DOK6: variants seen among roughly 807,000 people sequenced by gnomAD.
The protein encoded by DOK6 is downstream of tyrosine kinase 6.
DOK6 carries 22 observed loss-of-function variants against 44.0 expected under a neutral mutation model. That is an observed-to-expected ratio of 0.50 (90% CI 0.36 to 0.71). The LOEUF (loss-of-function observed/expected upper bound fraction) is 0.71. Ranked by LOEUF, DOK6 falls within the 30% of genes least tolerant of loss-of-function variation. The probability of loss-of-function intolerance (pLI) is 0.00; values close to 1 mark genes in which losing one functional copy is unlikely to be tolerated. For missense variants in DOK6, 340 were observed against 416.4 expected (o/e 0.82, Z 1.60); for synonymous variants, 166 against 145.5 (o/e 1.14, Z -1.01).
intron 6 of DOK6, among the ~76,000 whole-genome samples, chr18:69,757,251 G>A (rs117296287): frequency 2.6e-3 from 394 of 152,296 alleles, no homozygotes; most frequent in Admixed American, 4.6e-3. Flanking sequence ...AGGTTGGGAG[G>A]AAGTGTAAGG....
At position 69,739,032 on chromosome 18, in the gene DOK6, G is replaced by T; in HGVS notation, c.667G>T (p.Val223Phe). 1 of 1,614,104 alleles carries T rather than the reference G, an allele frequency of 6.2e-7. No homozygotes were observed. Among genetic ancestry groups the T allele is most frequent in the Non-Finnish European group, 8.5e-7 (1 of 1,179,954 alleles). The change falls in exon 6 of 8, where the codon GTT becomes TTT. Residue 223 changes from valine (V) to phenylalanine (F), a missense_variant. Val to Phe is a conservative substitution (Grantham distance 50). This residue lies in a region of DOK6 where 22 missense variants were observed against 48.6 expected (regional missense o/e 0.45). Coordinates refer to ENST00000382713, the MANE Select transcript of DOK6 (RefSeq NM_152721.6). ...TREGEMIYQKVHSATLAIAEQ... is the reference protein window; with the variant it reads ...TREGEMIYQKFHSATLAIAEQ... ...GGAAGGAGAAATGATCTATCAGAAG[G>T]TTCATTCTGCGACACTGGCCATAGC...
intron 1 of DOK6, among the ~76,000 whole-genome samples, chr18:69,504,868 A>G (rs972060652): frequency 6.6e-6 from 1 of 152,188 alleles, no homozygotes; most frequent in African/African-American, 2.4e-5. Flanking sequence ...CAGTTTTGTT[A>G]CAGGAAAAAT....
intron 1 of DOK6, among the ~76,000 whole-genome samples, chr18:69,411,956 A>C (rs894636505): frequency 1.2e-4 from 19 of 152,242 alleles, no homozygotes; most frequent in African/African-American, 4.6e-4. Context: ...TTTCTATTCA[A>C]CTGCAAATAA....
chr18:69,826,678 A>G (rs961106454), intron 7 of DOK6, among the ~76,000 whole-genome samples: 4 of 152,180 alleles, frequency 2.6e-5, no homozygotes, highest in African/African-American at 9.7e-5. Flanking sequence ...ATATTGCAAT[A>G]TCCAGTCCAG....
intron 7 of DOK6, among the ~76,000 whole-genome samples, chr18:69,763,012 T>C (rs2144759538): frequency 6.6e-6 from 1 of 152,310 alleles, no homozygotes; most frequent in East Asian, 1.9e-4. Flanking sequence ...GCTCCCCTCC[T>C]CAATTGGAGA....
At chr18:69,807,647 C>T (rs1333179197) in intron 7 of DOK6, among the ~76,000 whole-genome samples, 1 of 151,756 alleles carries the variant, frequency 6.6e-6, no homozygotes, top group Non-Finnish European at 1.5e-5. Flanking sequence ...GGTAGCTATA[C>T]ATGTATCATA....
At chr18:69,509,265 A>T (rs147306424) in intron 1 of DOK6, among the ~76,000 whole-genome samples, 240 of 152,260 alleles carry the variant, frequency 1.6e-3, no homozygotes, top group African/African-American at 5.3e-3. Context: ...TGTTTCTTCA[A>T]CCTCATTTAT....
chr18:69,805,355 G>A (rs898133542), intron 7 of DOK6, among the ~76,000 whole-genome samples: 11 of 152,108 alleles, frequency 7.2e-5, no homozygotes, highest in African/African-American at 2.2e-4. Flanking sequence ...GGGTGTGAAG[G>A]TGCTCTTGAA....
intron 3 of DOK6, among the ~76,000 whole-genome samples, chr18:69,652,486 G>C (rs1053573864): frequency 5.9e-5 from 9 of 152,124 alleles, no homozygotes; most frequent in Non-Finnish European, 1.0e-4. Context: ...GAATGACTTG[G>C]GCAATTCCAG....
intron 3 of DOK6, among the ~76,000 whole-genome samples, chr18:69,676,530 C>T (rs989459498): frequency 1.3e-5 from 2 of 152,100 alleles, no homozygotes; most frequent in African/African-American, 4.8e-5. Context: ...GAGGTGTCAT[C>T]CACAGAGAGC....
chr18:69,750,070 A>T (rs1599304451), intron 6 of DOK6, among the ~76,000 whole-genome samples: 1 of 147,832 alleles, frequency 6.8e-6, no homozygotes, highest in South Asian at 2.1e-4. Flanking sequence ...ATATATATAT[A>T]ATATATATAA....
intron 7 of DOK6, among the ~76,000 whole-genome samples, chr18:69,822,718 T>C (rs1247126057): frequency 6.6e-6 from 1 of 152,170 alleles, no homozygotes; most frequent in Non-Finnish European, 1.5e-5. Flanking sequence ...TCACAAAACA[T>C]GCAGAAATGC....
rs542528629 is a variant in DOK6 at position 69,611,636 on chromosome 18, C to T, written c.289+12138C>T. Among the ~76,000 whole-genome samples the T allele has an allele frequency of 3.3e-5, 5 of 152,230 alleles. No individual in the cohort carries two copies. The South Asian group carries it at 1.0e-3, about 32-fold the overall frequency. On this transcript the variant is annotated intron_variant, in intron 3 of 7. Coordinates refer to ENST00000382713, the MANE Select transcript of DOK6 (RefSeq NM_152721.6). ...CACACCATGAAATAAATACTCTTCA[C>T]CAGTACAAAAAAGAACAGACTCAAT...
At chr18:69,618,933 A>G (rs554968939) in intron 3 of DOK6, among the ~76,000 whole-genome samples, 2 of 152,294 alleles carry the variant, frequency 1.3e-5, no homozygotes, top group South Asian at 4.1e-4. Context: ...CAGAACTTCT[A>G]TCTCCAAAAA....
chr18:69,580,842 C>T (rs552068684), intron 2 of DOK6, among the ~76,000 whole-genome samples: 1 of 152,132 alleles, frequency 6.6e-6, no homozygotes, highest in Non-Finnish European at 1.5e-5. Flanking sequence ...ATCCCCTCAA[C>T]CCTTCCCAGC....
Position 69,843,019 on chromosome 18 carries a change from C to T in DOK6, c.*1636C>T, listed in dbSNP as rs975448626. 3 of 152,144 alleles carry T rather than the reference C, an allele frequency of 2.0e-5. No homozygotes were observed. Among genetic ancestry groups the T allele is most frequent in the Admixed American group, 6.5e-5 (1 of 15,278 alleles). 9.4% of individuals were successfully genotyped at this position (152,144 alleles called of 1,614,324 possible). ...TATCTGTAGCTTGAGTGCAGATTGA[C>T]AATTCATTTCAGTGAATTACTACCG... On this transcript the variant is annotated 3_prime_UTR_variant, in exon 8 of 8. Transcript: ENST00000382713.
At chr18:69,607,744 C>T (rs965286182) in intron 3 of DOK6, among the ~76,000 whole-genome samples, 3 of 152,038 alleles carry the variant, frequency 2.0e-5, no homozygotes, top group Non-Finnish European at 4.4e-5. Context: ...TAGGGAGAGA[C>T]CTTCTTTATA....
intron 1 of DOK6, among the ~76,000 whole-genome samples, chr18:69,404,875 G>A (rs958261343): frequency 2.4e-4 from 36 of 151,962 alleles, no homozygotes; most frequent in African/African-American, 8.0e-4. Context: ...AAGAGGCAGT[G>A]TACACTGGTG....
intron 4 of DOK6, among the ~76,000 whole-genome samples, chr18:69,689,323 T>C (rs971235935): frequency 2.0e-5 from 3 of 152,168 alleles, no homozygotes; most frequent in Admixed American, 2.0e-4. Flanking sequence ...TATTTCACAA[T>C]ATAGTTCACT....
Sources: allele counts gnomAD v4.1 joint callset (sites outside exome capture counted in the v4.1 genomes callset), GRCh38; gene constraint gnomAD v4.1.1; regional missense constraint gnomAD v4.1.1; transcripts MANE v1.5; gene names NCBI Gene and HGNC (gene_info 2026-07-23, HGNC 2026-07-21).